SRGAP3: variants seen among roughly 807,000 people sequenced by gnomAD.
The protein encoded by SRGAP3 is SLIT-ROBO Rho GTPase activating protein 3, also known as SLIT-ROBO Rho GTPase-activating protein 3.
SRGAP3 carries 39 observed loss-of-function variants against 121.1 expected under a neutral mutation model. The observed-to-expected ratio is 0.32, with a 90% CI of 0.25 to 0.42. The LOEUF (loss-of-function observed/expected upper bound fraction) is 0.42, where lower values mean the gene tolerates loss of function less well. Ranked by LOEUF, SRGAP3 falls within the 10% of genes least tolerant of loss-of-function variation. SRGAP3 has a pLI of 1.00. For synonymous variants in SRGAP3, 601 were observed against 570.0 expected, an observed-to-expected ratio of 1.05 and a Z score of -0.77; for missense variants, 1,213 against 1,470.6, an observed-to-expected ratio of 0.82 and a Z score of 2.86.
chr3:9,147,066 A>G (rs1199979732), intron 1 of SRGAP3, among the ~76,000 whole-genome samples: 1 of 152,090 alleles, frequency 6.6e-6, no homozygotes, highest in Non-Finnish European at 1.5e-5. Flanking sequence ...TACATCTGTT[A>G]CTTCTAAAAC....
intron 4 of SRGAP3, among the ~76,000 whole-genome samples, chr3:9,076,297 A>G (rs1204590512): frequency 6.6e-6 from 1 of 152,190 alleles, no homozygotes; most frequent in East Asian, 1.9e-4. Context: ...AAGGCTTTAA[A>G]TAAGTCACTT....
chr3:9,086,675 GTATAT>G (rs1456391797), intron 3 of SRGAP3, among the ~76,000 whole-genome samples: 2 of 120,744 alleles, frequency 1.7e-5, no homozygotes, highest in African/African-American at 2.9e-5. Context: ...ATATGTATCT[GTATAT>G]TATATATGTA....
intron 4 of SRGAP3, among the ~76,000 whole-genome samples, chr3:9,070,441 C>T (rs559679382): frequency 3.9e-5 from 6 of 152,318 alleles, no homozygotes; most frequent in African/African-American, 1.4e-4. Context: ...GGGTCTTGTT[C>T]GTGATAGTAT....
At chr3:9,229,047 C>T (rs988973854) in intron 1 of SRGAP3, among the ~76,000 whole-genome samples, 28 of 126,830 alleles carry the variant, frequency 2.2e-4, no homozygotes, top group African/African-American at 4.7e-4. Context: ...CCGGCCTGGG[C>T]GACAGAGCGA....
chr3:8,991,054 G>C (rs1942028219), intron 20 of SRGAP3, among the ~76,000 whole-genome samples: 1 of 152,174 alleles, frequency 6.6e-6, no homozygotes. Flanking sequence ...AAACATGAAA[G>C]CATTTGGAGC....
intron 2 of SRGAP3, among the ~76,000 whole-genome samples, chr3:9,123,195 G>A (rs1055769338): frequency 6.6e-6 from 1 of 152,120 alleles, no homozygotes; most frequent in African/African-American, 2.4e-5. Flanking sequence ...GCAGGGAATG[G>A]GGAGTTAGTG....
At chr3:9,041,541 C>CTTGG (rs1448134098) in intron 10 of SRGAP3, among the ~76,000 whole-genome samples, 1 of 152,258 alleles carries the variant, frequency 6.6e-6, no homozygotes, top group African/African-American at 2.4e-5. Context: ...ACTGCGTGAG[C>CTTGG]TTGGACAAGC....
chr3:9,014,133 C>G (rs1943515363), intron 15 of SRGAP3: 1 of 466,916 alleles, frequency 2.1e-6, no homozygotes, highest in Non-Finnish European at 3.9e-6. Flanking sequence ...TAGAGGGAAG[C>G]CTGGAGCACA....
intron 4 of SRGAP3, among the ~76,000 whole-genome samples, chr3:9,070,108 C>T (rs927731217): frequency 6.6e-6 from 1 of 152,226 alleles, no homozygotes; most frequent in African/African-American, 2.4e-5. Context: ...TTGCCTTTTG[C>T]CTCTTCCCTG....
At chr3:9,261,220 G>C (rs1954249568) in intron 3 of SRGAP3, among the ~76,000 whole-genome samples, 1 of 152,204 alleles carries the variant, frequency 6.6e-6, no homozygotes, top group Non-Finnish European at 1.5e-5. Context: ...GCCAAAGGTA[G>C]ATAAAGCCAT....
At chr3:9,126,154 A>C (rs1260238746) in intron 1 of SRGAP3, among the ~76,000 whole-genome samples, 1 of 152,146 alleles carries the variant, frequency 6.6e-6, no homozygotes, top group Non-Finnish European at 1.5e-5. Context: ...ATCCATTCCC[A>C]CTGCCTGACA....
At chr3:9,321,968 A>G (rs1382008045) in intron 3 of SRGAP3, among the ~76,000 whole-genome samples, 3 of 151,374 alleles carry the variant, frequency 2.0e-5, no homozygotes, top group Admixed American at 6.6e-5. Context: ...CTGAAATACA[A>G]CTTAAAAAAT....
intron 1 of SRGAP3, among the ~76,000 whole-genome samples, chr3:9,142,690 C>T (rs1038479219): frequency 1.3e-5 from 2 of 152,128 alleles, no homozygotes; most frequent in African/African-American, 4.8e-5. Context: ...CTAGGTCAGT[C>T]GGTCAGTGGA....
chr3:9,049,417 A>T (rs1228667123), intron 9 of SRGAP3: 1 of 456,062 alleles, frequency 2.2e-6, no homozygotes, highest in Non-Finnish European at 4.4e-6. Flanking sequence ...ACGTACGTTT[A>T]AGCCTCATCA....
chr3:9,227,315 A>G (rs1361738141), intron 1 of SRGAP3, among the ~76,000 whole-genome samples: 2 of 152,230 alleles, frequency 1.3e-5, no homozygotes, highest in African/African-American at 4.8e-5. Flanking sequence ...CCGTTCTGCC[A>G]TGAATGTTGT....
chr3:9,099,891 G>A (rs1312554873), intron 3 of SRGAP3, among the ~76,000 whole-genome samples: 2 of 152,218 alleles, frequency 1.3e-5, no homozygotes, highest in African/African-American at 2.4e-5. Flanking sequence ...CAAAGGGCCA[G>A]AGAGGCAAAA....
At chr3:9,281,999 T>C (rs1954688954) in intron 3 of SRGAP3, among the ~76,000 whole-genome samples, 1 of 152,220 alleles carries the variant, frequency 6.6e-6, no homozygotes, top group African/African-American at 2.4e-5. Flanking sequence ...GCAAAGCCAA[T>C]GACTTCTGCA....
chr3:9,309,875 C>G (rs74736327), intron 3 of SRGAP3, among the ~76,000 whole-genome samples: 23 of 152,140 alleles, frequency 1.5e-4, no homozygotes, highest in African/African-American at 5.3e-4. Context: ...GAGATAAAAC[C>G]ACAAGGAACT....
chr3:9,153,098 G>A (rs758295632), intron 1 of SRGAP3, among the ~76,000 whole-genome samples: 7 of 152,136 alleles, frequency 4.6e-5, no homozygotes, highest in South Asian at 2.1e-4. Flanking sequence ...CAGCTGTAAC[G>A]TTGCGTTTTA....
Sources: gnomAD v4.1 joint callset for allele counts (sites outside exome capture counted in the v4.1 genomes callset) on GRCh38, gnomAD v4.1.1 for gene constraint, MANE v1.5 for transcripts, NCBI Gene and HGNC (gene_info 2026-07-23, HGNC 2026-07-21) for gene names.